CFAP92: variants seen among roughly 807,000 people sequenced by gnomAD.
CFAP92 encodes cilia and flagella associated protein 92 (putative).
In CFAP92, 86 loss-of-function variants were observed where a neutral mutation model predicts 106.3. The observed-to-expected ratio is 0.81, with a 90% confidence interval of 0.68 to 0.97. CFAP92 has a LOEUF of 0.97. Ranked by LOEUF, CFAP92 falls within the 50% of genes least tolerant of loss-of-function variation. The pLI, the probability that CFAP92 is intolerant of heterozygous loss-of-function variation, is 0.00. For missense variants in CFAP92, 1,204 were observed against 1,283.8 expected (o/e 0.94, Z 0.95); for synonymous variants, 477 against 506.4 (o/e 0.94, Z 0.78).
chr3:128,941,648 TG>T (rs1408899143), intron 10 of CFAP92, among the ~76,000 whole-genome samples: 1 of 152,122 alleles, frequency 6.6e-6, no homozygotes, highest in Non-Finnish European at 1.5e-5. Flanking sequence ...AGCTAATTTT[TG>T]TATTTTTAGT....
At chr3:128,944,611 AC>A (rs1279015301) in intron 10 of CFAP92, among the ~76,000 whole-genome samples, 3 of 152,194 alleles carry the variant, frequency 2.0e-5, no homozygotes, top group Admixed American at 6.5e-5. Context: ...GCAAAGGGCT[AC>A]CCGCTGCAGC....
At chr3:128,956,977 C>CAAAA (rs766884799) in intron 9 of CFAP92, among the ~76,000 whole-genome samples, 2,539 of 28,414 alleles carry the variant, frequency 0.089, 244 homozygotes, top group African/African-American at 0.15. Context: ...CAGACTCTCT[C>CAAAA]AAAAAAAAAA....
chr3:128,994,376 C>G (rs1360132312), upstream of CFAP92, among the ~76,000 whole-genome samples: 1 of 152,198 alleles, frequency 6.6e-6, no homozygotes, highest in Non-Finnish European at 1.5e-5. Context: ...GCTCCTTCCT[C>G]CCCCTCCATC....
chr3:128,975,732 C>T, intron 7 of CFAP92, 47 bp downstream of exon 7: 1 of 1,376,752 alleles, frequency 7.3e-7, no homozygotes, highest in South Asian at 1.4e-5. Flanking sequence ...CATAATTATT[C>T]CAAGTCTAGT....
At chr3:129,017,609 T>C in the CFAP92 span, among the ~76,000 whole-genome samples, 1 of 152,222 alleles carries the variant, frequency 6.6e-6, no homozygotes, top group African/African-American at 2.4e-5. Context: ...TCACCCACAT[T>C]GCTTTCATCT....
intron 7 of CFAP92, among the ~76,000 whole-genome samples, chr3:128,973,384 C>G (rs1047398243): frequency 6.6e-6 from 1 of 151,952 alleles, no homozygotes; most frequent in African/African-American, 2.4e-5. Context: ...AGGCCGGGCC[C>G]GGTGGCTCAC....
intron 1 of CFAP92, chr3:129,001,869 G>A: frequency 2.6e-6 from 4 of 1,545,892 alleles, no homozygotes; most frequent in Non-Finnish European, 3.5e-6. Flanking sequence ...CGACTTCCGA[G>A]CGCTCTGCGC....
Position 128,971,333 on chromosome 3 carries a change from C to G in CFAP92, c.1122G>C (p.Lys374Asn). 1.9e-6 allele frequency: 3 copies of G among 1,613,638 alleles called. No homozygotes were observed. In the East Asian group the frequency reaches 6.7e-5, roughly 36 times the overall value. ...EADPTLTGPR[K>N]QSAFSIQLAV... ...CCAGCTGGATGGAGAAAGCGCTCTG[C>G]TTCCTGGGGCCTGTCAGCGTGGGGT... The change falls in exon 8 of 16, where the codon AAG (lysine) becomes AAC (asparagine). Residue 374 changes from lysine (K) to asparagine (N), a missense_variant. By Grantham distance (94) the Lys-to-Asn change is moderately conservative. Coordinates refer to ENST00000645291, the MANE Select transcript of CFAP92 (RefSeq NM_001394090.1).
chr3:128,989,639 G>T (rs1416475178), intron 2 of CFAP92, among the ~76,000 whole-genome samples: 1 of 152,166 alleles, frequency 6.6e-6, no homozygotes, highest in Non-Finnish European at 1.5e-5. Context: ...GCACACTCTA[G>T]GTTGGGGCTT....
At chr3:128,970,511 A>G (rs1389362225) in intron 8 of CFAP92, 2 of 151,620 alleles carry the variant, frequency 1.3e-5, no homozygotes, top group African/African-American at 4.8e-5. Flanking sequence ...CTCTAAAAAG[A>G]AAAAAAAAGG....
chr3:128,965,886 A>C (rs971072578), intron 8 of CFAP92, among the ~76,000 whole-genome samples, 191 bp from the exon 9 acceptor site: 1 of 152,158 alleles, frequency 6.6e-6, no homozygotes, highest in African/African-American at 2.4e-5. Context: ...TAGTTTCTCA[A>C]ACTGAGGTCC....
intron 4 of CFAP92, among the ~76,000 whole-genome samples, chr3:128,979,947 A>ATATATATATATATATATATAT (rs1553758975): frequency 6.2e-5 from 8 of 128,302 alleles, no homozygotes; most frequent in African/African-American, 2.4e-4. Context: ...AAAGTATAAT[A>ATATATATATATATATATATAT]ATATATATAT....
At chr3:128,952,738 G>A (rs114530591) in intron 9 of CFAP92, among the ~76,000 whole-genome samples, 5,964 of 152,158 alleles carry the variant, frequency 0.039, 289 homozygotes, top group African/African-American at 0.11. Context: ...CCATGATAGT[G>A]CCATTGTACT....
chr3:128,989,709 C>A (rs1472443348), intron 2 of CFAP92, among the ~76,000 whole-genome samples: 1 of 152,212 alleles, frequency 6.6e-6, no homozygotes, highest in Non-Finnish European at 1.5e-5. Context: ...AAAAACATGA[C>A]TGTCTTTAAA....
At chr3:128,951,128 A>C (rs1344998684) in intron 9 of CFAP92, among the ~76,000 whole-genome samples, 2 of 152,156 alleles carry the variant, frequency 1.3e-5, no homozygotes, top group East Asian at 3.9e-4. Flanking sequence ...CCAGCTGTTC[A>C]GGAAGCTGAG....
rs1944316848 is a variant in CFAP92 at position 128,993,057 on chromosome 3, A to G, written c.248T>C (p.Phe83Ser). The change falls in exon 2 of 16, where the codon TTC (phenylalanine) becomes TCC (serine). Residue 83 changes from phenylalanine (F) to serine (S), a missense_variant. By Grantham distance (155) the Phe-to-Ser change is radical (BLOSUM62 -2). Transcript: ENST00000645291. Reference sequence around the variant, plus strand: ...CTAGCACCTACCCATATTCACAGGGAAGGCCAGTGAGATGGTGAATTTGCA... The same window carrying G: ...CTAGCACCTACCCATATTCACAGGGGAGGCCAGTGAGATGGTGAATTTGCA... ...VPCKFTISLA[F>S]PVNMGQKGKY... 6.2e-7 allele frequency: 1 copy of G among 1,613,936 alleles called. No homozygotes were observed. The highest frequency in any genetic ancestry group is 8.5e-7 in the Non-Finnish European group (1 of 1,179,904).
chr3:128,975,010 T>C (rs1390259984), intron 7 of CFAP92, among the ~76,000 whole-genome samples: 2 of 146,184 alleles, frequency 1.4e-5, no homozygotes, highest in Admixed American at 6.8e-5. Context: ...GTCCCAGCTA[T>C]TCGGGAGGCT....
At chr3:129,001,502 C>G in intron 1 of CFAP92, 1 of 1,299,458 alleles carries the variant, frequency 7.7e-7, no homozygotes, top group Non-Finnish European at 9.8e-7. Context: ...ACACGGTCCC[C>G]GGCGCCGCTC....
chr3:128,915,643 G>T, intron 13 of CFAP92, 80 bp from the exon 14 acceptor site: 2 of 911,048 alleles, frequency 2.2e-6, no homozygotes, highest in South Asian at 1.8e-5. Flanking sequence ...ATCAGAAACA[G>T]CTGGGGGCAT....
Sources: gnomAD v4.1 joint callset for allele counts (sites outside exome capture counted in the v4.1 genomes callset) on GRCh38, gnomAD v4.1.1 for gene constraint, MANE v1.5 for transcripts, NCBI Gene and HGNC (gene_info 2026-07-23, HGNC 2026-07-21) for gene names.